PTPRD: variants seen among roughly 807,000 people sequenced by gnomAD.
The protein encoded by PTPRD is receptor-type tyrosine-protein phosphatase delta.
Under a neutral mutation model 214.5 loss-of-function variants are expected in PTPRD, and 34 were observed. The observed-to-expected ratio is 0.16, with a 90% CI of 0.12 to 0.21. The LOEUF (loss-of-function observed/expected upper bound fraction) is 0.21, where lower values mean the gene tolerates loss of function less well. Among genes scored for constraint, PTPRD ranks in the 10% least tolerant of loss-of-function variants. The pLI, the probability that PTPRD is intolerant of heterozygous loss-of-function variation, is 1.00. For synonymous variants in PTPRD, 1,128 were observed against 845.7 expected, an observed-to-expected ratio of 1.33 and a Z score of -5.79; for missense variants, 2,545 against 2,398.7, an observed-to-expected ratio of 1.06 and a Z score of -1.27.
At chr9:10,047,337 T>TGTGTGTGTGCGC (rs1491445418) in intron 3 of PTPRD, among the ~76,000 whole-genome samples, 4 of 144,176 alleles carry the variant, frequency 2.8e-5, no homozygotes, top group South Asian at 2.2e-4. Flanking sequence ...TGTGTGTGTG[T>TGTGTGTGTGCGC]GCGTGTGTGT....
chr9:9,502,557 A>G (rs2096454336), intron 8 of PTPRD, among the ~76,000 whole-genome samples: 1 of 151,942 alleles, frequency 6.6e-6, no homozygotes, highest in Non-Finnish European at 1.5e-5. Flanking sequence ...ACATTCACTG[A>G]GTATAATTCA....
At chr9:9,664,603 T>A (rs1195316606) in intron 7 of PTPRD, among the ~76,000 whole-genome samples, 1 of 151,710 alleles carries the variant, frequency 6.6e-6, no homozygotes, top group Admixed American at 6.6e-5. Flanking sequence ...GACAGTTCCA[T>A]CAAAAGTTAG....
At chr9:10,396,124 G>A (rs1240948966) in intron 2 of PTPRD, among the ~76,000 whole-genome samples, 1 of 151,908 alleles carries the variant, frequency 6.6e-6, no homozygotes, top group Non-Finnish European at 1.5e-5. Context: ...AAACCCCTCA[G>A]ATTGTTATAC....
At chr9:8,843,193 A>G (rs2097597658) in intron 11 of PTPRD, among the ~76,000 whole-genome samples, 1 of 152,192 alleles carries the variant, frequency 6.6e-6, no homozygotes, top group South Asian at 2.1e-4. Flanking sequence ...TGATAGTACT[A>G]TATTTGTTCC....
chr9:8,620,873 G>A (rs2095799543), intron 14 of PTPRD, among the ~76,000 whole-genome samples: 1 of 151,952 alleles, frequency 6.6e-6, no homozygotes, highest in African/African-American at 2.4e-5. Context: ...AAGTGCTGAT[G>A]TACACAAGTA....
chr9:8,950,070 A>T (rs1156578035), intron 11 of PTPRD, among the ~76,000 whole-genome samples: 1 of 152,148 alleles, frequency 6.6e-6, no homozygotes, highest in Non-Finnish European at 1.5e-5. Context: ...TAGGTATTGG[A>T]ATGTCTATTT....
chr9:10,491,246 A>G (rs1296166891), intron 2 of PTPRD, among the ~76,000 whole-genome samples: 3 of 152,176 alleles, frequency 2.0e-5, no homozygotes, highest in Admixed American at 6.5e-5. Context: ...GCAACGTATA[A>G]TCACATATTA....
At position 9,580,547 on chromosome 9, in the gene PTPRD, C is replaced by CTTTTTTTTTTTT. The variant is rs1176394314; in HGVS notation, c.-286-5778_-286-5767dup. On this transcript the variant is annotated intron_variant, in intron 7 of 45. Transcript: ENST00000381196. ...TCATGTCCTTAGCTTACTTTATTTT[C>CTTTTTTTTTTTT]TTTTTTTTTTTTTTTTTTTGAGACA... is the stretch of plus-strand genomic sequence containing the variant. Among the ~76,000 whole-genome samples, 11 of 123,092 alleles carry CTTTTTTTTTTTT rather than the reference C, an allele frequency of 8.9e-5. 4 individuals carry two copies. 80.8% of individuals were successfully genotyped at this position (123,092 alleles called of 152,430 possible). A position where few individuals can be genotyped will look rare whatever the true frequency, so the allele number is the denominator to read the frequency against.
intron 35 of PTPRD, among the ~76,000 whole-genome samples, chr9:8,405,623 A>G (rs1223704973): frequency 1.3e-5 from 2 of 152,176 alleles, no homozygotes; most frequent in African/African-American, 2.4e-5. Context: ...GCTACTGATA[A>G]CATTTAAGAT....
chr9:9,063,491 A>T (rs1033382279), intron 10 of PTPRD, among the ~76,000 whole-genome samples: 9 of 152,292 alleles, frequency 5.9e-5, no homozygotes, highest in African/African-American at 2.2e-4. Context: ...GTACTGTAGT[A>T]TGTAATCTTA....
Position 9,350,733 on chromosome 9 carries a change from A to C in PTPRD, c.-203+46716T>G, listed in dbSNP as rs1030407346. Among the ~76,000 whole-genome samples the C allele has an allele frequency of 2.6e-5, 4 of 152,216 alleles. No individual in the cohort carries two copies. The East Asian group carries it at 5.8e-4, about 22-fold the overall frequency. On this transcript the variant is annotated intron_variant, in intron 9 of 45. Coordinates refer to ENST00000381196, the MANE Select transcript of PTPRD (RefSeq NM_002839.4). ...TTTTAAATATGAAATTGAAAATATC[A>C]AATTTGAAAAGGAACTTCAAACAAA...
Position 10,034,406 on chromosome 9 carries a change from ACTTTT to A in PTPRD, c.-544-621_-544-617del, listed in dbSNP as rs1296408507. 5.4e-3 allele frequency among the ~76,000 whole-genome samples: 557 copies of A among 103,280 alleles called. 6 individuals are homozygous for A. Among genetic ancestry groups the A allele is most frequent in the East Asian group, 0.026 (116 of 4,380 alleles). The allele number at this position is 103,280 out of a possible 152,430, so 67.8% of individuals were successfully genotyped here. ...GCACTCTGTCTCAGCTCCTGGCTCTACTTTTTTTTTTTTTTTTTTTTTTTTAAGAA... is the reference window on the plus strand; with the variant it reads ...GCACTCTGTCTCAGCTCCTGGCTCTATTTTTTTTTTTTTTTTTTTTAAGAA... On this transcript the variant is annotated intron_variant, in intron 3 of 45. Transcript: ENST00000381196.
intron 9 of PTPRD, among the ~76,000 whole-genome samples, chr9:9,362,954 C>T (rs2056707555): frequency 1.3e-5 from 2 of 151,046 alleles, no homozygotes; most frequent in South Asian, 2.1e-4. Context: ...CTTGTAAATC[C>T]TTTTATCAAA....
At chr9:9,323,600 A>T (rs912551172) in intron 9 of PTPRD, among the ~76,000 whole-genome samples, 1 of 152,158 alleles carries the variant, frequency 6.6e-6, no homozygotes, top group Non-Finnish European at 1.5e-5. Flanking sequence ...ATACTATCTT[A>T]TCTCAAACAA....
chr9:8,917,644 T>C (rs1375729034), intron 11 of PTPRD, among the ~76,000 whole-genome samples: 1 of 152,200 alleles, frequency 6.6e-6, no homozygotes, highest in East Asian at 1.9e-4. Flanking sequence ...TGTTGTCCTC[T>C]GTATTTTTGC....
At chr9:8,446,942 A>G (rs2095755104) in intron 34 of PTPRD, among the ~76,000 whole-genome samples, 2 of 152,224 alleles carry the variant, frequency 1.3e-5, no homozygotes, top group South Asian at 4.1e-4. Context: ...GCCGCTGGCT[A>G]AAATCTATGC....
At chr9:9,394,609 G>T (rs561668994) in intron 9 of PTPRD, among the ~76,000 whole-genome samples, 6 of 152,144 alleles carry the variant, frequency 3.9e-5, no homozygotes, top group Admixed American at 2.6e-4. Flanking sequence ...TTATAAATAT[G>T]AAACTCTGAA....
At chr9:9,596,121 A>G (rs2093332708) in intron 7 of PTPRD, among the ~76,000 whole-genome samples, 1 of 151,974 alleles carries the variant, frequency 6.6e-6, no homozygotes, top group African/African-American at 2.4e-5. Flanking sequence ...GCAAAGGAAT[A>G]CCCATGGATA....
At chr9:10,549,800 A>G (rs1232220896) in intron 2 of PTPRD, among the ~76,000 whole-genome samples, 1 of 152,022 alleles carries the variant, frequency 6.6e-6, no homozygotes, top group Non-Finnish European at 1.5e-5. Flanking sequence ...CAGAGAAGAG[A>G]CCAGGTTTTA....
Sources: gnomAD v4.1 joint callset for allele counts (sites outside exome capture counted in the v4.1 genomes callset) on GRCh38, gnomAD v4.1.1 for gene constraint, MANE v1.5 for transcripts, NCBI Gene and HGNC (gene_info 2026-07-23, HGNC 2026-07-21) for gene names.